GRIK1: variants seen among roughly 807,000 people sequenced by gnomAD.
The protein encoded by GRIK1 is glutamate receptor ionotropic, kainate 1.
A neutral mutation model predicts 105.7 loss-of-function variants in GRIK1; 69 were observed. The ratio of observed to expected loss-of-function variants is 0.65; its 90% CI spans 0.54 to 0.80. GRIK1 has a LOEUF of 0.80. Ranked by LOEUF, GRIK1 falls within the 30% of genes least tolerant of loss-of-function variation. The pLI is 0.00. For missense variants in GRIK1, 1,109 were observed against 1,167.3 expected (o/e 0.95, Z 0.73); for synonymous variants, 438 against 431.3 (o/e 1.02, Z -0.19).
chr21:29,577,982 C>A (rs948116561), intron 13 of GRIK1, among the ~76,000 whole-genome samples: 1 of 152,148 alleles, frequency 6.6e-6, no homozygotes, highest in Non-Finnish European at 1.5e-5. Flanking sequence ...TCCAAGGAAA[C>A]CTTCCTCTCT....
chr21:29,596,953 T>TAC (rs538669334), intron 8 of GRIK1, among the ~76,000 whole-genome samples: 48 of 150,816 alleles, frequency 3.2e-4, no homozygotes, highest in Admixed American at 4.0e-4. Context: ...AATCAATCAA[T>TAC]ACACACACAC....
intron 1 of GRIK1, among the ~76,000 whole-genome samples, chr21:29,808,288 G>T (rs1304115651): frequency 1.3e-5 from 2 of 152,132 alleles, no homozygotes; most frequent in Non-Finnish European, 2.9e-5. Context: ...GGACTCATTG[G>T]TGAGTTCCAG....
intron 1 of GRIK1, among the ~76,000 whole-genome samples, chr21:29,890,088 A>G (rs1430217827): frequency 6.6e-6 from 1 of 152,100 alleles, no homozygotes; most frequent in African/African-American, 2.4e-5. Flanking sequence ...TCTGAATTAT[A>G]CTTTAATGTT....
chr21:29,834,547 G>A (rs2067728401), intron 1 of GRIK1, among the ~76,000 whole-genome samples: 1 of 150,742 alleles, frequency 6.6e-6, no homozygotes, highest in African/African-American at 2.4e-5. Flanking sequence ...CTACTTGGCT[G>A]TCTAAGAGTG....
intron 1 of GRIK1, among the ~76,000 whole-genome samples, chr21:29,742,062 T>C (rs1221378928): frequency 6.6e-6 from 1 of 152,182 alleles, no homozygotes; most frequent in Non-Finnish European, 1.5e-5. Context: ...GAAAGACTCT[T>C]AACCATATGC....
intron 2 of GRIK1, among the ~76,000 whole-genome samples, chr21:29,690,587 G>A (rs1413246474): frequency 6.6e-6 from 1 of 152,114 alleles, no homozygotes; most frequent in Non-Finnish European, 1.5e-5. Context: ...AAGACATTTT[G>A]TCCAACCCAC....
chr21:29,800,620 T>A (rs192586081), intron 1 of GRIK1, among the ~76,000 whole-genome samples: 1 of 152,316 alleles, frequency 6.6e-6, no homozygotes, highest in African/African-American at 2.4e-5. Context: ...CAAAAACTCT[T>A]CAAATGAAAA....
chr21:29,897,077 T>C (rs2070195373), intron 1 of GRIK1, among the ~76,000 whole-genome samples: 1 of 152,182 alleles, frequency 6.6e-6, no homozygotes, highest in South Asian at 2.1e-4. Flanking sequence ...CAATACTTCA[T>C]ATAGTCCTGT....
intron 16 of GRIK1, among the ~76,000 whole-genome samples, chr21:29,548,657 A>G (rs2832396): frequency 0.62 from 93,948 of 152,052 alleles, 30,237 homozygotes; most frequent in Middle Eastern, 0.73. Flanking sequence ...TATAAGGGTC[A>G]TGTGCTTGGA....
chr21:29,912,384 C>A (rs1356220034), intron 1 of GRIK1, among the ~76,000 whole-genome samples: 1 of 151,996 alleles, frequency 6.6e-6, no homozygotes, highest in African/African-American at 2.4e-5. Flanking sequence ...AGAGACATTC[C>A]AACCCCACCA....
chr21:29,551,586 A>G (rs921092287), intron 16 of GRIK1, among the ~76,000 whole-genome samples: 2 of 152,222 alleles, frequency 1.3e-5, no homozygotes, highest in Non-Finnish European at 2.9e-5. Flanking sequence ...ATAAAATAAT[A>G]CATAAATGTC....
chr21:29,714,587 A>T (rs2064135344), intron 1 of GRIK1, among the ~76,000 whole-genome samples: 1 of 152,080 alleles, frequency 6.6e-6, no homozygotes, highest in Non-Finnish European at 1.5e-5. Context: ...CTACCTACCC[A>T]GTAGTCTGCC....
At chr21:29,560,290 T>TCTTTCTTTCTTTCTTTCTTTCTTTCTTTC (rs2090364125) in intron 15 of GRIK1, among the ~76,000 whole-genome samples, 1 of 77,132 alleles carries the variant, frequency 1.3e-5, no homozygotes, top group Non-Finnish European at 2.5e-5. Flanking sequence ...TTTCTTTCTT[T>TCTTTCTTTCTTTCTTTCTTTCTTTCTTTC]CTTTCTTTCT....
At chr21:29,560,392 C>T (rs2409338) in intron 15 of GRIK1, among the ~76,000 whole-genome samples, 12,662 of 55,206 alleles carry the variant, frequency 0.23, 2,626 homozygotes, top group Middle Eastern at 0.34. Context: ...TTCCTTCCTT[C>T]CTTCCTTCCT....
intron 1 of GRIK1, among the ~76,000 whole-genome samples, chr21:29,899,881 A>G (rs1360104257): frequency 6.6e-6 from 1 of 152,182 alleles, no homozygotes; most frequent in Non-Finnish European, 1.5e-5. Flanking sequence ...CACATGCCCA[A>G]CTAAATGCTT....
intron 14 of GRIK1, among the ~76,000 whole-genome samples, chr21:29,564,436 C>A (rs1162199309): frequency 1.3e-5 from 2 of 152,186 alleles, no homozygotes; most frequent in Non-Finnish European, 2.9e-5. Flanking sequence ...CGTGAGCCAC[C>A]GCGCCCGGCC....
At position 29,937,662 on chromosome 21, in the gene GRIK1, T is replaced by C. The variant is rs2071812024; in HGVS notation, c.118+1721A>G. Among the ~76,000 whole-genome samples, 3 of 152,318 alleles carry C rather than the reference T, an allele frequency of 2.0e-5. No homozygotes were observed. The South Asian group carries it at 6.2e-4, about 32-fold the overall frequency. On this transcript the variant is annotated intron_variant, in intron 1 of 17. Coordinates refer to ENST00000327783, the MANE Select transcript of GRIK1 (RefSeq NM_001330994.2). ...TTATACAGGGATGAGGAACATTGGC[T>C]AGCACAGCCATTTCTAGCATCCCTA...
chr21:29,795,852 A>G (rs2066540095), intron 1 of GRIK1, among the ~76,000 whole-genome samples: 1 of 152,130 alleles, frequency 6.6e-6, no homozygotes, highest in African/African-American at 2.4e-5. Flanking sequence ...GAGGCTATCA[A>G]CTTTTTCTTT....
At chr21:29,876,820 G>A (rs468619) in intron 1 of GRIK1, among the ~76,000 whole-genome samples, 19,553 of 152,100 alleles carry the variant, frequency 0.13, 1,631 homozygotes, top group East Asian at 0.35. Context: ...TAGGCAATTC[G>A]TTTGGCTTTT....
Sources: gnomAD v4.1 joint callset for allele counts (sites outside exome capture counted in the v4.1 genomes callset) on GRCh38, gnomAD v4.1.1 for gene constraint, MANE v1.5 for transcripts, NCBI Gene and HGNC (gene_info 2026-07-23, HGNC 2026-07-21) for gene names.